NCOR2: variants seen among roughly 807,000 people sequenced by gnomAD.
The protein encoded by NCOR2 is CTG repeat protein 26.
A neutral mutation model predicts 262.9 loss-of-function variants in NCOR2; 81 were observed. The observed-to-expected ratio is 0.31, with a 90% confidence interval of 0.26 to 0.37. The LOEUF is 0.37. NCOR2 is among the 10% of genes least tolerant of loss of function. The pLI, the probability that NCOR2 is intolerant of heterozygous loss-of-function variation, is 1.00. For missense variants in NCOR2, 3,385 were observed against 3,621.4 expected (o/e 0.93, Z 1.68); for synonymous variants, 1,659 against 1,559.3 (o/e 1.06, Z -1.51).
At chr12:124,545,714 C>T (rs779109281) in intron 1 of NCOR2, among the ~76,000 whole-genome samples, 9 of 152,138 alleles carry the variant, frequency 5.9e-5, no homozygotes, top group Non-Finnish European at 1.3e-4. Flanking sequence ...AGCCCAGTGG[C>T]CCCACATACT....
intron 7 of NCOR2, among the ~76,000 whole-genome samples, chr12:124,446,722 GA>G (rs2045197514): frequency 6.6e-6 from 1 of 152,104 alleles, no homozygotes; most frequent in Non-Finnish European, 1.5e-5. Context: ...ACTGCACAAT[GA>G]AATTTAATGA....
Position 124,402,696 on chromosome 12 carries a change from T to C in NCOR2, c.1483-135A>G, listed in dbSNP as rs971587043. 7 of 1,471,134 alleles carry C rather than the reference T, an allele frequency of 4.8e-6. No homozygotes were observed. In the African/African-American group the frequency reaches 7.0e-5, roughly 15 times the overall value. The allele number at this position is 1,471,134 out of a possible 1,614,324, so 91.1% of individuals were successfully genotyped here. A position where few individuals can be genotyped will look rare whatever the true frequency, so the allele number is the denominator to read the frequency against. ...CGTGGAGTCCACCCAGAAGAGGTCA[T>C]AAACAACCGGGAAGCCAGGCCCCAC... is the stretch of plus-strand genomic sequence containing the variant. On this transcript the variant is annotated intron_variant, in intron 13 of 46. Transcript: ENST00000405201.
At chr12:124,332,054 A>T in intron 43 of NCOR2, 1 of 464,114 alleles carries the variant, frequency 2.2e-6, no homozygotes, top group Non-Finnish European at 4.0e-6. Context: ...CCCAGTATTC[A>T]TGCAGGTATT....
At chr12:124,388,056 T>C (rs1397003393) in intron 16 of NCOR2, among the ~76,000 whole-genome samples, 1 of 49,578 alleles carries the variant, frequency 2.0e-5, no homozygotes, top group Non-Finnish European at 4.0e-5. Flanking sequence ...GCAGTGGGAG[T>C]GGGTTGAGGG....
In NCOR2 at chr12:124,425,525, T is replaced by TA. The variant is rs200991393; in HGVS notation, c.1328+1096dup. 3.2e-3 allele frequency among the ~76,000 whole-genome samples: 494 copies of TA among 152,160 alleles called. 2 individuals are homozygous for TA. Among genetic ancestry groups the TA allele is most frequent in the African/African-American group, 0.012 (481 of 41,516 alleles). On this transcript the variant is annotated intron_variant, in intron 11 of 46. Coordinates refer to ENST00000405201, the Ensembl canonical transcript of NCOR2. ...GTGTGGCCTGGGGAAGCCAAAAGAT[T>TA]AGATTCCCCGGAATTATAGCACACT...
exon 47 of NCOR2, chr12:124,325,392 C>CCCCCCGG (rs1374490931): frequency 1.6e-5 from 19 of 1,152,246 alleles, no homozygotes; most frequent in Non-Finnish European, 1.9e-5. Flanking sequence ...CCCCCCCGCC[C>CCCCCCGG]TGTTCTGAGT....
At chr12:124,402,347 G>C in intron 14 of NCOR2, 57 bp downstream of exon 16, 3 of 1,605,376 alleles carry the variant, frequency 1.9e-6, no homozygotes, top group Non-Finnish European at 1.7e-6. Flanking sequence ...CCAGAACCGT[G>C]TGCCACCCGG....
rs1357135804 is a variant in NCOR2, at chr12:124,389,606, C to A, written c.1877-3719G>T. ...GTGTCAGTTCCACCTGAGCTCTGCC[C>A]CCTGCCTGGCCTGATGCTGCCGAGG... On this transcript the variant is annotated intron_variant, in intron 16 of 46. Coordinates refer to ENST00000405201, the Ensembl canonical transcript of NCOR2. This position sits in a 1 kb window ranked among gnomAD's most constrained non-coding sequence, Gnocchi z 4.4. Among the ~76,000 whole-genome samples, 1 of 152,184 alleles carries A rather than the reference C, an allele frequency of 6.6e-6. No homozygotes were observed. The highest frequency in any genetic ancestry group is 2.1e-4 in the South Asian group (1 of 4,830).
At chr12:124,402,450 C>T (rs972022362) in exon 14 of NCOR2, 3 of 1,613,616 alleles carry the variant, frequency 1.9e-6, no homozygotes, top group South Asian at 1.1e-5. Flanking sequence ...TTCTCCTCCT[C>T]CTTCTCCGCC....
chr12:124,334,498 G>A, exon 41 of NCOR2: 1 of 1,451,228 alleles, frequency 6.9e-7, no homozygotes, highest in Non-Finnish European at 9.1e-7. Flanking sequence ...AGAGGTCACT[G>A]GGTGGGCGGC....
chr12:124,372,041 C>T (rs1426291195), exon 20 of NCOR2: 1 of 1,596,744 alleles, frequency 6.3e-7, no homozygotes. Flanking sequence ...TCGCCGCCCT[C>T]GGCCTCATCC....
chr12:124,422,681 C>T, intron 11 of NCOR2, 126 bp from the exon 14 acceptor site: 1 of 887,394 alleles, frequency 1.1e-6, no homozygotes, highest in East Asian at 3.7e-5. Flanking sequence ...CCACTTGGAG[C>T]AATTAAGCCC....
chr12:124,530,159 G>T (rs1373839386), intron 1 of NCOR2: 1 of 152,026 alleles, frequency 6.6e-6, no homozygotes, highest in East Asian at 1.9e-4. Flanking sequence ...GAGCAACATG[G>T]GTTATGCAGA....
rs78649466 is a variant in NCOR2 at position 124,519,645 on chromosome 12, T to G, written c.-118+15920A>C. Among the ~76,000 whole-genome samples the G allele has an allele frequency of 1.6e-4, 25 of 152,234 alleles. No individual in the cohort carries two copies. In the East Asian group the frequency reaches 4.8e-3, roughly 29 times the overall value. Reference sequence around the variant, plus strand: ...GTCAGATGGACTCTGGGCCTGGCCTTCAACTCCAGCAATAACATTGTCATC... The same window carrying G: ...GTCAGATGGACTCTGGGCCTGGCCTGCAACTCCAGCAATAACATTGTCATC... On this transcript the variant is annotated intron_variant, in intron 1 of 46. Coordinates refer to the NCOR2 transcript ENST00000404621.
At chr12:124,342,182 C>G (rs1262471381) in intron 33 of NCOR2, 108 bp from the exon 36 acceptor site, 1 of 1,335,656 alleles carries the variant, frequency 7.5e-7, no homozygotes, top group Non-Finnish European at 1.0e-6. Context: ...GCTTCTCCCA[C>G]CTACATGTGT....
intron 5 of NCOR2, among the ~76,000 whole-genome samples, chr12:124,459,736 G>C (rs1270370483): frequency 6.6e-6 from 1 of 152,160 alleles, no homozygotes; most frequent in Non-Finnish European, 1.5e-5. Flanking sequence ...GGGGAACGTG[G>C]ACGCAGGCCA....
chr12:124,375,675 T>A lies in NCOR2; in HGVS notation c.2168-1212A>T, dbSNP rs565179375. ...GGTCCCCAGTACCGGGCTGCCTGGG[T>A]TTGAACCCCGGTCACCAAATGCGCC... On this transcript the variant is annotated intron_variant, in intron 18 of 46. Coordinates refer to ENST00000405201, the Ensembl canonical transcript of NCOR2. 5.3e-5 allele frequency among the ~76,000 whole-genome samples: 8 copies of A among 152,300 alleles called. No homozygotes were observed. In the South Asian group the frequency reaches 1.7e-3, roughly 32 times the overall value.
chr12:124,564,003 C>T (rs1480598786), intron 1 of NCOR2, among the ~76,000 whole-genome samples: 1 of 152,210 alleles, frequency 6.6e-6, no homozygotes, highest in East Asian at 1.9e-4. Flanking sequence ...GCCTCAAGTT[C>T]ACCATCTATA....
intron 1 of NCOR2, among the ~76,000 whole-genome samples, chr12:124,546,296 A>C (rs1436736110): frequency 2.0e-5 from 3 of 152,266 alleles, no homozygotes; most frequent in Non-Finnish European, 4.4e-5. Context: ...GTAAGGGCTT[A>C]ATAAATATGT....
Sources: gnomAD v4.1 joint callset for allele counts (sites outside exome capture counted in the v4.1 genomes callset) on GRCh38, gnomAD v4.1.1 for gene constraint, Gnocchi (gnomAD v3.1) non-coding constraint, MANE v1.5 for transcripts, NCBI Gene and HGNC (gene_info 2026-07-23, HGNC 2026-07-21) for gene names.